Variants in KDM4B observed in about 807,000 individuals in gnomAD.
KDM4B encodes the protein lysine-specific demethylase 4B.
In KDM4B, 32 loss-of-function variants were observed where a neutral mutation model predicts 125.2. The observed-to-expected ratio is 0.26, with a 90% CI of 0.19 to 0.34. The LOEUF is 0.34. KDM4B is among the 10% of genes least tolerant of loss of function. The pLI is 1.00. For synonymous variants in KDM4B, 721 were observed against 677.9 expected, an observed-to-expected ratio of 1.06 and a Z score of -0.99; for missense variants, 1,190 against 1,577.7, an observed-to-expected ratio of 0.75 and a Z score of 4.16.
intron 11 of KDM4B, among the ~76,000 whole-genome samples, chr19:5,124,504 A>G (rs1290219547): frequency 6.6e-6 from 1 of 152,132 alleles, no homozygotes; most frequent in Admixed American, 6.5e-5. Flanking sequence ...AGCAGACTCT[A>G]GGGGCTGGCC....
At chr19:5,119,087 A>G in intron 10 of KDM4B, 2 of 1,396,736 alleles carry the variant, frequency 1.4e-6, no homozygotes, top group Non-Finnish European at 2.0e-6. Context: ...CAGAAGTCCT[A>G]GAGAAAAAAC....
intron 16 of KDM4B, 53 bp from the exon 17 acceptor site, chr19:5,137,568 T>A (rs1365459094): frequency 3.9e-6 from 6 of 1,537,760 alleles, no homozygotes; most frequent in Non-Finnish European, 5.3e-6. Flanking sequence ...CCAAGCAGTG[T>A]GTGGGGAGCC....
chr19:5,129,223 G>T (rs1190716894), intron 11 of KDM4B, among the ~76,000 whole-genome samples: 1 of 152,200 alleles, frequency 6.6e-6, no homozygotes, highest in Non-Finnish European at 1.5e-5. Flanking sequence ...ACTCCTGGGG[G>T]AGGCTGTGGG....
chr19:5,117,035 G>T (rs1262943296), intron 10 of KDM4B, among the ~76,000 whole-genome samples: 4 of 152,176 alleles, frequency 2.6e-5, no homozygotes, highest in Non-Finnish European at 5.9e-5. Context: ...CTCTGCCGTG[G>T]GCTGTGCCCC....
chr19:5,101,236 A>AAG (rs990283741), intron 9 of KDM4B, among the ~76,000 whole-genome samples: 10 of 151,844 alleles, frequency 6.6e-5, no homozygotes, highest in African/African-American at 1.7e-4. Context: ...AAAAAAAAAA[A>AAG]AAAAATCTTC....
At chr19:5,041,538 G>A (rs570740924) in intron 5 of KDM4B, among the ~76,000 whole-genome samples, 2 of 152,214 alleles carry the variant, frequency 1.3e-5, no homozygotes, top group Non-Finnish European at 2.9e-5. Flanking sequence ...TTACAAACAC[G>A]TGTACTTTCC....
At position 5,131,869 on chromosome 19, in the gene KDM4B, G is replaced by A; in HGVS notation, c.1786-18G>A. The A allele has an allele frequency of 6.2e-7, 1 of 1,612,702 alleles. No individual in the cohort carries two copies. The highest frequency in any genetic ancestry group is 8.5e-7 in the Non-Finnish European group (1 of 1,179,826). ...GGTCTGTAGCGGGGCCCTCACTACA[G>A]CCTGTTGTGTGTTTCAGGCACCGTC... On this transcript the variant is annotated intron_variant, in intron 12 of 22. Coordinates refer to ENST00000159111, the MANE Select transcript of KDM4B (RefSeq NM_015015.3).
intron 15 of KDM4B, 71 bp from the exon 16 acceptor site, chr19:5,137,191 C>A (rs995837383): frequency 1.2e-5 from 14 of 1,125,018 alleles, no homozygotes; most frequent in Non-Finnish European, 1.7e-5. Flanking sequence ...CGGCCCCTCC[C>A]CCTGAGTTTC....
intron 9 of KDM4B, among the ~76,000 whole-genome samples, chr19:5,102,751 T>C (rs2038962799): frequency 6.6e-6 from 1 of 152,034 alleles, no homozygotes; most frequent in South Asian, 2.1e-4. Flanking sequence ...GCCCCGCCCA[T>C]AGGAGAGCCC....
At chr19:5,077,325 G>A (rs2291149) in intron 7 of KDM4B, 42 bp from the exon 8 acceptor site, 159,158 of 1,565,876 alleles carry the variant, frequency 0.1, 9,768 homozygotes, top group East Asian at 0.24. Context: ...GACCCCGGCC[G>A]GCTGTGGCCC....
At chr19:5,043,954 C>T (rs1406812669) in intron 5 of KDM4B, among the ~76,000 whole-genome samples, 2 of 132,484 alleles carry the variant, frequency 1.5e-5, no homozygotes, top group South Asian at 2.5e-4. Context: ...CACTGTATCC[C>T]GCGTGGTGGT....
intron 3 of KDM4B, among the ~76,000 whole-genome samples, chr19:5,039,631 C>T (rs1317230302): frequency 6.6e-6 from 1 of 152,138 alleles, no homozygotes; most frequent in Non-Finnish European, 1.5e-5. Context: ...GATGGCTCTG[C>T]CCTAGCAGGT....
At chr19:5,042,610 G>A (rs2036855040) in intron 5 of KDM4B, among the ~76,000 whole-genome samples, 1 of 151,964 alleles carries the variant, frequency 6.6e-6, no homozygotes, top group Admixed American at 6.6e-5. Context: ...GGCTTGGGAG[G>A]CCTCAGGAAA....
intron 10 of KDM4B, chr19:5,112,143 C>T (rs1259700359): frequency 6.7e-6 from 2 of 297,710 alleles, no homozygotes; most frequent in Non-Finnish European, 1.3e-5. Context: ...GTCCCAACTA[C>T]TGAGAAGGCT....
intron 9 of KDM4B, among the ~76,000 whole-genome samples, chr19:5,083,452 C>G (rs1251628548): frequency 6.6e-6 from 1 of 152,200 alleles, no homozygotes; most frequent in Non-Finnish European, 1.5e-5. Flanking sequence ...AGGAGGCCGT[C>G]TGGGCATCAC....
At chr19:5,043,198 T>C (rs60247299) in intron 5 of KDM4B, among the ~76,000 whole-genome samples, 11,878 of 103,654 alleles carry the variant, frequency 0.11, 541 homozygotes, top group Middle Eastern at 0.25. Context: ...TGGTGTTTAT[T>C]GGAGTGGGGT....
chr19:5,065,667 G>A (rs989310033), intron 6 of KDM4B, among the ~76,000 whole-genome samples: 19 of 152,202 alleles, frequency 1.2e-4, no homozygotes, highest in East Asian at 5.8e-4. Flanking sequence ...TGGCCTGTCC[G>A]CTGGCTGGAG....
chr19:5,029,806 G>A (rs557780459), intron 2 of KDM4B, among the ~76,000 whole-genome samples: 47 of 152,342 alleles, frequency 3.1e-4, no homozygotes, highest in African/African-American at 1.1e-3. Context: ...CAGCCTGGGC[G>A]ACAGAGCCAG....
intron 3 of KDM4B, among the ~76,000 whole-genome samples, chr19:5,039,396 A>G (rs1173735153): frequency 6.6e-6 from 1 of 152,166 alleles, no homozygotes; most frequent in African/African-American, 2.4e-5. Context: ...TGGAGGCTGC[A>G]GTGAGCTATG....
Sources: gnomAD v4.1 joint callset for allele counts (sites outside exome capture counted in the v4.1 genomes callset) on GRCh38, gnomAD v4.1.1 for gene constraint, MANE v1.5 for transcripts, NCBI Gene and HGNC (gene_info 2026-07-23, HGNC 2026-07-21) for gene names.